The following ZNF282 variants were observed in gnomAD, a reference collection of about 807,000 sequenced individuals.
ZNF282 encodes the protein zinc finger protein 282, also known as HTLV-I U5 repressive element-binding protein 1.
In ZNF282, 30 loss-of-function variants were observed where a neutral mutation model predicts 61.9. The observed-to-expected ratio is 0.48, with a 90% confidence interval of 0.36 to 0.66. The LOEUF is 0.66. Ranked by LOEUF, ZNF282 falls within the 30% of genes least tolerant of loss-of-function variation. The probability of loss-of-function intolerance (pLI) is 0.00; values close to 1 mark genes in which losing one functional copy is unlikely to be tolerated. For synonymous variants in ZNF282, 396 were observed against 405.0 expected (o/e 0.98, Z 0.27); for missense variants, 788 against 941.4 (o/e 0.84, Z 2.13).
chr7:149,209,235 TGGCGTGAACCCGGGAGGCGGAGC>T (rs1796044350), intron 4 of ZNF282, among the ~76,000 whole-genome samples: 1 of 151,164 alleles, frequency 6.6e-6, no homozygotes, highest in African/African-American at 2.4e-5. Flanking sequence ...GGCAGGAGGA[TGGCGTGAACCCGGGAGGCGGAGC>T]TTGCAGTGAG....
intron 4 of ZNF282, among the ~76,000 whole-genome samples, chr7:149,209,253 CG>C (rs1439314988): frequency 6.8e-6 from 1 of 147,916 alleles, no homozygotes; most frequent in African/African-American, 2.5e-5. Context: ...ACCCGGGAGG[CG>C]GAGCTTGCAG....
intron 7 of ZNF282, among the ~76,000 whole-genome samples, chr7:149,220,000 G>GGGGCAC (rs1318472577): frequency 2.0e-5 from 3 of 152,192 alleles, no homozygotes; most frequent in Non-Finnish European, 4.4e-5. Flanking sequence ...GTGAGGAGCT[G>GGGGCAC]GGGCACGGGC....
intron 2 of ZNF282, among the ~76,000 whole-genome samples, chr7:149,200,162 C>T (rs999839785): frequency 6.6e-6 from 1 of 152,172 alleles, no homozygotes; most frequent in Non-Finnish European, 1.5e-5. Context: ...TTGCATCTCG[C>T]TGTCTGGATT....
At chr7:149,223,450 AAAAC>A (rs997139035) in intron 7 of ZNF282, among the ~76,000 whole-genome samples, 5 of 152,170 alleles carry the variant, frequency 3.3e-5, no homozygotes, top group East Asian at 1.9e-4. Flanking sequence ...CCTGTCTGGA[AAAAC>A]AAACAAACAA....
chr7:149,207,266 G>T, intron 3 of ZNF282, 85 bp from the exon 4 acceptor site: 1 of 1,485,720 alleles, frequency 6.7e-7, no homozygotes. Context: ...AGGGGGAGAT[G>T]GGGTAGGGGA....
chr7:149,198,400 C>T lies in ZNF282; in HGVS notation c.233C>T (p.Ala78Val), dbSNP rs778860364. 1.2e-6 allele frequency: 2 copies of T among 1,614,156 alleles called. No homozygotes were observed. The highest frequency in any genetic ancestry group is 2.2e-5 in the South Asian group (2 of 91,082). The stretch of plus-strand genomic sequence containing the variant: ...CAGTTCCCACCCTTTCCAGATAGGG[C>T]ACCTGTCTTCCCCGACCGCATGATG... Reference protein sequence around the residue: ...PFQFPPFPDRAPVFPDRMMRE... With the variant: ...PFQFPPFPDRVPVFPDRMMRE... Residue 78 changes from alanine (A) to valine (V), a missense_variant, in exon 2 of 8, where the codon GCA becomes GTA. Coordinates refer to ENST00000610704, the MANE Select transcript of ZNF282 (RefSeq NM_003575.4). The surrounding 1 kb of genome is among the most constrained non-coding windows in gnomAD (Gnocchi z 4.3).
In ZNF282 at chr7:149,224,588, AGCG is replaced by A; in HGVS notation, c.1963_1965del (p.Gly655del). 2 of 1,582,154 alleles carry A rather than the reference AGCG, an allele frequency of 1.3e-6. No homozygotes were observed. Among genetic ancestry groups the A allele is most frequent in the Non-Finnish European group, 1.7e-6 (2 of 1,168,316 alleles). ...GCTCAAGGACCACCTGCGCGTGCAC[AGCG>A]GCGGCCCGGGCCCCGGCGCCCCACG... is the stretch of plus-strand genomic sequence containing the variant. On this transcript the variant is annotated inframe_deletion, in exon 8 of 8. Coordinates refer to ENST00000610704, the MANE Select transcript of ZNF282 (RefSeq NM_003575.4).
chr7:149,199,616 T>C (rs1795877980), intron 2 of ZNF282, among the ~76,000 whole-genome samples: 1 of 152,170 alleles, frequency 6.6e-6, no homozygotes, highest in African/African-American at 2.4e-5. Flanking sequence ...TTGTCTATAC[T>C]TGTTGTCTCC....
chr7:149,207,496 G>A (rs114888215), intron 4 of ZNF282, 26 bp downstream of exon 4: 11 of 1,555,724 alleles, frequency 7.1e-6, no homozygotes, highest in African/African-American at 1.4e-5. Flanking sequence ...GAGAGTGCGG[G>A]GTCCAGGGAA....
At chr7:149,202,149 TC>T (rs1178479062) in intron 2 of ZNF282, among the ~76,000 whole-genome samples, 183 of 146,748 alleles carry the variant, frequency 1.2e-3, no homozygotes, top group African/African-American at 4.2e-3. Context: ...AAGATATGCT[TC>T]TTTTTTTTTT....
At position 149,215,056 on chromosome 7, in the gene ZNF282, A is replaced by G. The variant is rs17553506; in HGVS notation, c.1180+1242A>G. On this transcript the variant is annotated intron_variant, in intron 7 of 7. Transcript: ENST00000610704. The stretch of plus-strand genomic sequence containing the variant: ...GGCATATGTTTATGGATTGTTGAAC[A>G]TTCTTAGCTCAGGCTAATATTCCTC... Among the ~76,000 whole-genome samples, 548 of 152,248 alleles carry G rather than the reference A, an allele frequency of 3.6e-3. 3 individuals are homozygous for G. The highest frequency in any genetic ancestry group is 5.6e-3 in the Non-Finnish European group (383 of 68,018).
Position 149,206,773 on chromosome 7 carries a change from G to A in ZNF282, c.663G>A (p.Glu221=). 1 of 1,614,222 alleles carries A rather than the reference G, an allele frequency of 6.2e-7. No homozygotes were observed. Reference sequence around the variant, plus strand: ...AGAACTTGGACGAATGGCAGAAGGAGCTTTATAACAACCTTGTTAAGGAGA... The same window carrying A: ...AGAACTTGGACGAATGGCAGAAGGAACTTTATAACAACCTTGTTAAGGAGA... ...EWKNLDEWQK[E]LYNNLVKENY... is the part of the protein sequence containing the mutation. Residue 221 remains glutamate, a synonymous_variant, in exon 3 of 8, where the codon GAG becomes GAA. Coordinates refer to ENST00000610704, the MANE Select transcript of ZNF282 (RefSeq NM_003575.4).
At chr7:149,202,944 A>G (rs1477255889) in intron 2 of ZNF282, among the ~76,000 whole-genome samples, 1 of 151,874 alleles carries the variant, frequency 6.6e-6, no homozygotes, top group East Asian at 1.9e-4. Context: ...CCTGGCAGGG[A>G]CTGGGTCTTG....
chr7:149,197,502 T>A (rs1795837153), intron 1 of ZNF282, among the ~76,000 whole-genome samples: 2 of 152,224 alleles, frequency 1.3e-5, no homozygotes. Context: ...AGACGGAGTC[T>A]TGCTCTGTTG....
Position 149,224,649 on chromosome 7 carries a change from G to T in ZNF282, c.*2G>T. 6.6e-7 allele frequency: 1 copy of T among 1,507,832 alleles called. No individual in the cohort carries two copies. The allele number at this position is 1,507,832 out of a possible 1,614,324, so 93.4% of individuals were successfully genotyped here. On this transcript the variant is annotated 3_prime_UTR_variant, in exon 8 of 8. Transcript: ENST00000610704. The stretch of plus-strand genomic sequence containing the variant: ...CCGCCGCCTCCTGAGCGAGACTAGG[G>T]CTGGGCTGGGGGAGGGCAGGGCCGG...
intron 7 of ZNF282, among the ~76,000 whole-genome samples, chr7:149,216,626 T>C (rs1796163765): frequency 6.6e-6 from 1 of 152,218 alleles, no homozygotes; most frequent in African/African-American, 2.4e-5. Flanking sequence ...AAAACCAACC[T>C]AGTATTGTGG....
intron 1 of ZNF282, among the ~76,000 whole-genome samples, chr7:149,196,507 C>T (rs1052971902): frequency 6.6e-6 from 1 of 152,146 alleles, no homozygotes; most frequent in Non-Finnish European, 1.5e-5. Context: ...GGTGGATCCT[C>T]AGAGAGGCCT....
chr7:149,210,739 G>A (rs908931675), intron 5 of ZNF282, 35 bp downstream of exon 5: 1 of 1,515,164 alleles, frequency 6.6e-7, no homozygotes, highest in Admixed American at 2.3e-5. Flanking sequence ...CACCAGGGAG[G>A]GGAGGGGAGG....
In ZNF282 at chr7:149,198,280, C is replaced by T; in HGVS notation, c.166-53C>T. The T allele has an allele frequency of 6.5e-7, 1 of 1,535,970 alleles. No homozygotes were observed. The highest frequency in any genetic ancestry group is 2.3e-5 in the East Asian group (1 of 44,158). ...TGACCCCTGTTCCCAGCTGACTTCC[C>T]CGGCTCACACAAGGTCTCATCCTGG... On this transcript the variant is annotated intron_variant, in intron 1 of 7. Transcript: ENST00000610704. The surrounding 1 kb of genome is among the most constrained non-coding windows in gnomAD (Gnocchi z 4.3).
Sources: gnomAD v4.1 joint callset for allele counts (sites outside exome capture counted in the v4.1 genomes callset) on GRCh38, gnomAD v4.1.1 for gene constraint, Gnocchi (gnomAD v3.1) non-coding constraint, MANE v1.5 for transcripts, NCBI Gene and HGNC (gene_info 2026-07-23, HGNC 2026-07-21) for gene names.